Variants in P2RX5 observed in about 807,000 individuals in gnomAD.
P2RX5 encodes P2X purinoceptor 5.
P2RX5 carries 46 observed loss-of-function variants against 54.1 expected under a neutral mutation model. The observed-to-expected ratio is 0.85, with a 90% CI of 0.67 to 1.09. P2RX5 has a LOEUF of 1.09. Ranked by LOEUF, P2RX5 falls within the 50% of genes least tolerant of loss-of-function variation. The probability of loss-of-function intolerance (pLI) is 0.00; values close to 1 mark genes in which losing one functional copy is unlikely to be tolerated. For missense variants in P2RX5, 566 were observed against 549.8 expected (o/e 1.03, Z -0.29); for synonymous variants, 226 against 226.4 (o/e 1.00, Z 0.02).
At chr17:3,692,943 T>C (rs2050657960) in intron 1 of P2RX5, among the ~76,000 whole-genome samples, 1 of 152,142 alleles carries the variant, frequency 6.6e-6, no homozygotes, top group Admixed American at 6.5e-5. Flanking sequence ...TTTAAAATGT[T>C]CATGCATCAA....
the P2RX5 span, among the ~76,000 whole-genome samples, chr17:3,711,370 C>CTTTTTTTTT: frequency 7.4e-3 from 466 of 63,084 alleles, 109 homozygotes; most frequent in African/African-American, 0.02. Flanking sequence ...AGCACTCATT[C>CTTTTTTTTT]TTTTTTTTTT....
chr17:3,689,397 G>T lies in P2RX5; in HGVS notation c.753+95C>A, dbSNP rs1383689926. On this transcript the variant is annotated intron_variant, in intron 7 of 11. Transcript: ENST00000225328. The stretch of plus-strand genomic sequence containing the variant: ...CAGGTGACTTTGCAGGGCCACCCTC[G>T]CCCCACGAGTCCCCGTCCACACCCT... The T allele has an allele frequency of 1.7e-5, 24 of 1,432,858 alleles. No individual in the cohort carries two copies. In the East Asian group the frequency reaches 5.4e-4, roughly 32 times the overall value. 88.8% of individuals were successfully genotyped at this position (1,432,858 alleles called of 1,614,324 possible).
chr17:3,700,231 C>A (rs546873475), upstream of P2RX5, among the ~76,000 whole-genome samples: 1 of 152,258 alleles, frequency 6.6e-6, no homozygotes, highest in Admixed American at 6.5e-5. Flanking sequence ...TTTACACCTG[C>A]CTTATTAAAA....
the P2RX5 span, chr17:3,723,627 C>G: frequency 1.4e-6 from 2 of 1,472,610 alleles, no homozygotes; most frequent in Non-Finnish European, 1.8e-6. Flanking sequence ...GTCTCCTGGC[C>G]TCTCGTTACC....
At chr17:3,682,581 G>C (rs1041355591) in intron 9 of P2RX5, 1 of 168,520 alleles carries the variant, frequency 5.9e-6, no homozygotes. Context: ...AGGCTTCTTA[G>C]AATGTTTCCG....
chr17:3,690,081 G>T lies in P2RX5; in HGVS notation c.603C>A (p.Phe201Leu). The change falls in exon 6 of 12, where the codon TTC (phenylalanine) becomes TTA (leucine). Residue 201 changes from phenylalanine to leucine, a missense_variant. Phe to Leu is a conservative substitution (Grantham distance 22, BLOSUM62 0). Coordinates refer to ENST00000225328, the MANE Select transcript of P2RX5 (RefSeq NM_002561.4). ...CCAAGCCCACGTACTTGGAGAAGTT[G>T]AATTTGGGGAAACGGATGTGGTTCT... ...FIKNHIRFPK[F>L]NFSKSNVMDV... The T allele has an allele frequency of 1.2e-6, 2 of 1,614,140 alleles. No individual in the cohort carries two copies. The highest frequency in any genetic ancestry group is 1.7e-6 in the Non-Finnish European group (2 of 1,179,994).
upstream of P2RX5, among the ~76,000 whole-genome samples, chr17:3,696,996 T>C (rs2050771863): frequency 6.6e-6 from 1 of 152,100 alleles, no homozygotes; most frequent in Admixed American, 6.6e-5. Context: ...TGAGGCTGCC[T>C]GTGTCTGCTG....
chr17:3,716,095 G>C, the P2RX5 span, among the ~76,000 whole-genome samples: 5 of 151,868 alleles, frequency 3.3e-5, no homozygotes, highest in Admixed American at 3.3e-4. Context: ...GTCAGGGTGG[G>C]GGGAAGGGAA....
chr17:3,677,175 G>A, intron 11 of P2RX5: 1 of 985,284 alleles, frequency 1.0e-6, no homozygotes. Flanking sequence ...GGAGGGAGGG[G>A]AATGAGGGCC....
At position 3,690,462 on chromosome 17, in the gene P2RX5, A is replaced by G. The variant is rs761828005; in HGVS notation, c.498T>C (p.Phe166=). The G allele has an allele frequency of 6.2e-7, 1 of 1,613,102 alleles. No individual in the cohort carries two copies. The highest frequency in any genetic ancestry group is 8.5e-7 in the Non-Finnish European group (1 of 1,179,784). Residue 166 remains phenylalanine (F), a synonymous_variant, in exon 5 of 12, where the codon TTT becomes TTC. Transcript: ENST00000225328. ...AGCTTGTCTCCAACGGGCACCAGGC[A>G]AAGATCTCACAGGTGCCCCTGGCCA... is the stretch of plus-strand genomic sequence containing the variant. The part of the protein sequence containing the change: ...ENLARGTCEI[F]AWCPLETSSR...
In P2RX5 at chr17:3,691,871, G is replaced by A. The variant is rs1318172035; in HGVS notation, c.138-77C>T. On this transcript the variant is annotated intron_variant, in intron 1 of 11. Transcript: ENST00000225328. ...GAGCTTCCCCAGGCCTTGGGGTGGG[G>A]TAGCAGTCACAGCAACTCCTAGTTG... 15 of 1,500,024 alleles carry A rather than the reference G, an allele frequency of 1.0e-5. No homozygotes were observed. In the Admixed American group the frequency reaches 1.5e-4, roughly 15 times the overall value. The allele number at this position is 1,500,024 out of a possible 1,614,324, so 92.9% of individuals were successfully genotyped here. A position where few individuals can be genotyped will look rare whatever the true frequency, so the allele number is the denominator to read the frequency against.
rs1131057 is a variant in P2RX5, at chr17:3,681,906, C to G, written c.1054G>C (p.Glu352Gln). Reference sequence around the variant, plus strand: ...GGAAGCGGAACTGACCTCACTTCCTCGTACTTCTTGTCACGGTAAAACTCT... The same window carrying G: ...GGAAGCGGAACTGACCTCACTTCCTGGTACTTCTTGTCACGGTAAAACTCT... ...KREFYRDKKY[E>Q]EVRGLEDSSQ... Residue 352 changes from glutamate to glutamine, a missense_variant, in exon 10 of 12, where the codon GAG (glutamate) becomes CAG (glutamine). Physicochemically the swap from Glu to Gln is conservative, Grantham distance 29 (BLOSUM62 2). Transcript: ENST00000225328. 1 of 1,612,622 alleles carries G rather than the reference C, an allele frequency of 6.2e-7. No individual in the cohort carries two copies. The highest frequency in any genetic ancestry group is 8.5e-7 in the Non-Finnish European group (1 of 1,178,670).
At chr17:3,692,539 A>T (rs2050647251) in intron 1 of P2RX5, among the ~76,000 whole-genome samples, 1 of 152,096 alleles carries the variant, frequency 6.6e-6, no homozygotes. Context: ...ACTGAGGGGC[A>T]TTCTACAAAA....
chr17:3,723,715 C>A, the P2RX5 span: 7 of 1,604,880 alleles, frequency 4.4e-6, no homozygotes, highest in Non-Finnish European at 6.0e-6. Context: ...CACAAGCGCG[C>A]TCCTGACTCC....
Position 3,688,617 on chromosome 17 carries a change from A to C in P2RX5, c.887+9T>G. 1 of 1,614,102 alleles carries C rather than the reference A, an allele frequency of 6.2e-7. No homozygotes were observed. On this transcript the variant is annotated intron_variant, in intron 8 of 11. Transcript: ENST00000225328. ...GTCAGGTCACAAGTGGGCACAAGGC[A>C]GCGGTTACCTGAAGTTGTACCCGGA... is the stretch of plus-strand genomic sequence containing the variant.
the P2RX5 span, among the ~76,000 whole-genome samples, chr17:3,702,166 C>A: frequency 3.4e-5 from 5 of 145,272 alleles, no homozygotes; most frequent in South Asian, 6.8e-4. Flanking sequence ...CCAATCAGTA[C>A]TCTGTGTCTA....
At chr17:3,722,454 C>T in the P2RX5 span, 2 of 151,428 alleles carry the variant, frequency 1.3e-5, no homozygotes, top group Non-Finnish European at 2.9e-5. Flanking sequence ...GCACTCCAGC[C>T]CGGGTGACAG....
chr17:3,684,980 G>C (rs1030421074), intron 9 of P2RX5, among the ~76,000 whole-genome samples: 1 of 151,564 alleles, frequency 6.6e-6, no homozygotes, highest in Non-Finnish European at 1.5e-5. Flanking sequence ...TGAGCAGCTG[G>C]GATTACAAGC....
chr17:3,719,532 A>C, the P2RX5 span, among the ~76,000 whole-genome samples: 2 of 152,176 alleles, frequency 1.3e-5, no homozygotes, highest in African/African-American at 4.8e-5. Context: ...CAGTCCACAA[A>C]TCACAGGCAT....
Sources: gnomAD v4.1 joint callset for allele counts (sites outside exome capture counted in the v4.1 genomes callset) on GRCh38, gnomAD v4.1.1 for gene constraint, MANE v1.5 for transcripts, NCBI Gene and HGNC (gene_info 2026-07-23, HGNC 2026-07-21) for gene names.